Variants in ULK4 observed in about 807,000 individuals in gnomAD.
The protein encoded by ULK4 is unc-51 like kinase 4, also known as inactive serine/threonine-protein kinase ULK4.
A neutral mutation model predicts 160.6 loss-of-function variants in ULK4; 133 were observed. The ratio of observed to expected loss-of-function variants is 0.83; its 90% CI spans 0.72 to 0.96. The LOEUF is 0.96. ULK4 is among the 40% of genes least tolerant of loss of function. The pLI, the probability that ULK4 is intolerant of heterozygous loss-of-function variation, is 0.00. For missense variants in ULK4, 1,580 were observed against 1,499.5 expected (o/e 1.05, Z -0.89); for synonymous variants, 534 against 539.8 (o/e 0.99, Z 0.15).
intron 29 of ULK4, among the ~76,000 whole-genome samples, chr3:41,676,659 T>C (rs746490294): frequency 6.6e-6 from 1 of 152,174 alleles, no homozygotes; most frequent in Non-Finnish European, 1.5e-5. Context: ...AGGCAGAGGC[T>C]ATCCCTATCT....
chr3:41,769,566 A>G (rs2039283881), intron 21 of ULK4, among the ~76,000 whole-genome samples: 1 of 152,228 alleles, frequency 6.6e-6, no homozygotes, highest in African/African-American at 2.4e-5. Flanking sequence ...AAATCACAGC[A>G]CAACAAGGTT....
intron 12 of ULK4, among the ~76,000 whole-genome samples, chr3:41,905,807 G>C (rs1221030212): frequency 6.6e-6 from 1 of 152,116 alleles, no homozygotes; most frequent in Non-Finnish European, 1.5e-5. Flanking sequence ...GGGCGCGGTG[G>C]CTCACGTCTG....
At chr3:41,300,892 A>ATCTTGCT (rs2079782906) in intron 35 of ULK4, among the ~76,000 whole-genome samples, 1 of 96,982 alleles carries the variant, frequency 1.0e-5, no homozygotes, top group Non-Finnish European at 2.0e-5. Flanking sequence ...TATATTTGGT[A>ATCTTGCT]TCTTGCTGGT....
chr3:41,898,899 T>A (rs1426526745), intron 13 of ULK4, among the ~76,000 whole-genome samples: 2 of 152,198 alleles, frequency 1.3e-5, no homozygotes, highest in Non-Finnish European at 2.9e-5. Context: ...ACATCCTAGT[T>A]GGGAAGATGA....
intron 31 of ULK4, among the ~76,000 whole-genome samples, chr3:41,577,600 T>C (rs1575440191): frequency 6.8e-6 from 1 of 147,426 alleles, no homozygotes; most frequent in Admixed American, 6.8e-5. Flanking sequence ...CATCCCCACC[T>C]CCCCCTCCAA....
chr3:41,343,076 G>A (rs537578405), intron 35 of ULK4, among the ~76,000 whole-genome samples: 7 of 152,110 alleles, frequency 4.6e-5, no homozygotes, highest in African/African-American at 1.7e-4. Flanking sequence ...CATACTGAAT[G>A]GGCAAAAGCT....
At position 41,624,612 on chromosome 3, in the gene ULK4, C is replaced by G. The variant is rs193059734; in HGVS notation, c.3072-8895G>C. Among the ~76,000 whole-genome samples, 94 of 152,088 alleles carry G rather than the reference C, an allele frequency of 6.2e-4. 2 individuals are homozygous for G. The East Asian group carries it at 0.013, about 20-fold the overall frequency. ...ACAATATACCATAACAATTTTTGTTCTTTGATTTGACTAATTATGTAGCTC... is the reference window on the plus strand; with the variant it reads ...ACAATATACCATAACAATTTTTGTTGTTTGATTTGACTAATTATGTAGCTC... On this transcript the variant is annotated intron_variant, in intron 30 of 36. Coordinates refer to ENST00000301831, the MANE Select transcript of ULK4 (RefSeq NM_017886.4).
At chr3:41,953,281 TACAC>T (rs1339979477) in intron 2 of ULK4, among the ~76,000 whole-genome samples, 342 of 51,614 alleles carry the variant, frequency 6.6e-3, no homozygotes, top group African/African-American at 8.7e-3. Context: ...TATACATATA[TACAC>T]ATATATATAT....
rs564706957 is a variant in ULK4, at chr3:41,349,478, C to T, written c.3678+48601G>A. ...AACTTCTCTACCCTCTAGTCTTATGCCTAAGTCTTCCTCAGGGACCAGCAT... is the reference window on the plus strand; with the variant it reads ...AACTTCTCTACCCTCTAGTCTTATGTCTAAGTCTTCCTCAGGGACCAGCAT... On this transcript the variant is annotated intron_variant, in intron 35 of 36. Transcript: ENST00000301831. Among the ~76,000 whole-genome samples the T allele has an allele frequency of 6.6e-5, 10 of 152,240 alleles. No individual in the cohort carries two copies. The East Asian group carries it at 1.9e-3, about 29-fold the overall frequency.
intron 22 of ULK4, among the ~76,000 whole-genome samples, chr3:41,722,032 G>C (rs1490636724): frequency 6.6e-6 from 1 of 152,168 alleles, no homozygotes. Flanking sequence ...CAGACAGTGT[G>C]ATCTTGTACA....
At chr3:41,359,574 C>G (rs985629320) in intron 35 of ULK4, among the ~76,000 whole-genome samples, 1 of 152,176 alleles carries the variant, frequency 6.6e-6, no homozygotes, top group Non-Finnish European at 1.5e-5. Context: ...GGACTAAGAA[C>G]TGATCATTCA....
chr3:41,325,598 A>C (rs1395344376), intron 35 of ULK4, among the ~76,000 whole-genome samples: 2 of 152,170 alleles, frequency 1.3e-5, no homozygotes, highest in African/African-American at 4.8e-5. Context: ...TTTTAATAAA[A>C]GGATGGATTT....
chr3:41,638,786 ATT>A (rs1450487004), intron 30 of ULK4, among the ~76,000 whole-genome samples: 1 of 152,262 alleles, frequency 6.6e-6, no homozygotes, highest in Non-Finnish European at 1.5e-5. Flanking sequence ...TGACAGATGA[ATT>A]AAGAGTCCAT....
intron 29 of ULK4, among the ~76,000 whole-genome samples, chr3:41,665,837 T>C (rs755195974): frequency 2.0e-5 from 3 of 152,228 alleles, no homozygotes; most frequent in Admixed American, 6.5e-5. Context: ...AATAAAAGGT[T>C]CTTGCCATCT....
intron 18 of ULK4, among the ~76,000 whole-genome samples, chr3:41,834,350 T>C (rs1343000771): frequency 6.6e-6 from 1 of 152,132 alleles, no homozygotes; most frequent in Non-Finnish European, 1.5e-5. Flanking sequence ...AAGATATCAA[T>C]ACTTTCCCAA....
chr3:41,436,211 G>A (rs2083034562), intron 34 of ULK4, among the ~76,000 whole-genome samples: 1 of 152,142 alleles, frequency 6.6e-6, no homozygotes, highest in Non-Finnish European at 1.5e-5. Flanking sequence ...GCTAATGTAA[G>A]TGTTCTGAGC....
At position 41,641,858 on chromosome 3, in the gene ULK4, T is replaced by C. The variant is rs180733251; in HGVS notation, c.3071+21749A>G. On this transcript the variant is annotated intron_variant, in intron 30 of 36. Coordinates refer to ENST00000301831, the MANE Select transcript of ULK4 (RefSeq NM_017886.4). The stretch of plus-strand genomic sequence containing the variant: ...AAAAAAAAAAAGGAGCTCATAAAAA[T>C]GACAATTAATACCTTTTTTTTTTTT... Among the ~76,000 whole-genome samples, 5 of 149,804 alleles carry C rather than the reference T, an allele frequency of 3.3e-5. No individual in the cohort carries two copies. The East Asian group carries it at 7.8e-4, about 23-fold the overall frequency.
chr3:41,883,505 G>T (rs74891296), intron 17 of ULK4, among the ~76,000 whole-genome samples: 43 of 152,302 alleles, frequency 2.8e-4, no homozygotes, highest in African/African-American at 1.0e-3. Flanking sequence ...TACATTCAAG[G>T]TGAAAGGCCA....
In ULK4 at chr3:41,959,692, G is replaced by A. The variant is rs9854111; in HGVS notation, c.-49+2324C>T. On this transcript the variant is annotated intron_variant, in intron 1 of 36. Transcript: ENST00000301831. ...AGTGCCTCATGTCTGTAATCCCAAC[G>A]CTTTCGGAGGTGGAGGCAGGATTGT... Among the ~76,000 whole-genome samples the A allele has an allele frequency of 9.5e-3, 1,448 of 151,924 alleles. 29 individuals carry two copies. The highest frequency in any genetic ancestry group is 0.032 in the African/African-American group (1,338 of 41,390).
Sources: gnomAD v4.1 joint callset for allele counts (sites outside exome capture counted in the v4.1 genomes callset) on GRCh38, gnomAD v4.1.1 for gene constraint, MANE v1.5 for transcripts, NCBI Gene and HGNC (gene_info 2026-07-23, HGNC 2026-07-21) for gene names.